The following ADGRB3 variants were observed in gnomAD, a reference collection of about 807,000 sequenced individuals.
ADGRB3 encodes the protein brain-specific angiogenesis inhibitor 3.
In ADGRB3, 37 loss-of-function variants were observed where a neutral mutation model predicts 193.4. The observed-to-expected ratio is 0.19, with a 90% CI of 0.15 to 0.25. The LOEUF is 0.25. Ranked by LOEUF, ADGRB3 falls within the 10% of genes least tolerant of loss-of-function variation. ADGRB3 has a pLI of 1.00. For synonymous variants in ADGRB3, 690 were observed against 644.2 expected (o/e 1.07, Z -1.08); for missense variants, 1,637 against 1,852.9 (o/e 0.88, Z 2.14).
intron 17 of ADGRB3, among the ~76,000 whole-genome samples, chr6:69,078,262 C>T (rs907022875): frequency 2.0e-5 from 3 of 151,940 alleles, no homozygotes; most frequent in Admixed American, 6.6e-5. Flanking sequence ...AAGCAATGCA[C>T]GAGTATTTTT....
intron 3 of ADGRB3, among the ~76,000 whole-genome samples, chr6:68,849,566 C>A (rs1276574220): frequency 6.6e-6 from 1 of 151,840 alleles, no homozygotes; most frequent in Non-Finnish European, 1.5e-5. Context: ...TTGTTTTAGG[C>A]AAAATTGCAT....
intron 3 of ADGRB3, among the ~76,000 whole-genome samples, chr6:68,841,033 A>C (rs186154655): frequency 1.2e-4 from 19 of 152,188 alleles, no homozygotes; most frequent in Non-Finnish European, 2.5e-4. Context: ...TAAAAGGGAT[A>C]ATTCATCCAG....
chr6:68,984,171 T>C (rs971533764), intron 10 of ADGRB3, among the ~76,000 whole-genome samples: 7 of 152,146 alleles, frequency 4.6e-5, no homozygotes, highest in Non-Finnish European at 7.3e-5. Context: ...ATGGTTTGAT[T>C]AGATCTAATT....
intron 17 of ADGRB3, among the ~76,000 whole-genome samples, chr6:69,122,846 A>G (rs573308603): frequency 2.0e-5 from 3 of 152,204 alleles, no homozygotes; most frequent in East Asian, 3.9e-4. Context: ...ACATACATAC[A>G]TACAACTTAT....
At chr6:69,046,665 T>C (rs1771246439) in intron 13 of ADGRB3, among the ~76,000 whole-genome samples, 1 of 152,182 alleles carries the variant, frequency 6.6e-6, no homozygotes, top group Non-Finnish European at 1.5e-5. Context: ...GATAATGGAA[T>C]GACTAATCAC....
chr6:69,330,188 A>T (rs554268946), intron 22 of ADGRB3, among the ~76,000 whole-genome samples: 1 of 152,334 alleles, frequency 6.6e-6, no homozygotes, highest in Non-Finnish European at 1.5e-5. Flanking sequence ...TATAAAATGT[A>T]AATAATACTC....
chr6:69,139,136 A>G (rs1422583116), intron 17 of ADGRB3, among the ~76,000 whole-genome samples: 1 of 152,158 alleles, frequency 6.6e-6, no homozygotes, highest in African/African-American at 2.4e-5. Context: ...ACCTGGTCGC[A>G]CTTGATAGTC....
chr6:68,659,421 G>A (rs555065351), intron 3 of ADGRB3, among the ~76,000 whole-genome samples: 3 of 150,394 alleles, frequency 2.0e-5, no homozygotes, highest in Admixed American at 6.6e-5. Flanking sequence ...TATCTGTAAA[G>A]TACATAAGAT....
At chr6:69,203,898 A>T (rs1300160344) in intron 17 of ADGRB3, among the ~76,000 whole-genome samples, 1 of 152,066 alleles carries the variant, frequency 6.6e-6, no homozygotes, top group Non-Finnish European at 1.5e-5. Flanking sequence ...CTGCTGCTAG[A>T]TTTGTATATA....
At chr6:69,386,200 A>G (rs184047822) in intron 31 of ADGRB3, among the ~76,000 whole-genome samples, 2 of 152,182 alleles carry the variant, frequency 1.3e-5, no homozygotes, top group African/African-American at 2.4e-5. Flanking sequence ...TAGAATATAG[A>G]TTTTCTGACA....
At chr6:68,691,493 C>T (rs1416455779) in intron 3 of ADGRB3, among the ~76,000 whole-genome samples, 1 of 151,976 alleles carries the variant, frequency 6.6e-6, no homozygotes. Flanking sequence ...TTATTACCTA[C>T]TATCTCAGTT....
intron 6 of ADGRB3, among the ~76,000 whole-genome samples, chr6:68,953,604 T>A (rs1449677529): frequency 6.6e-6 from 1 of 152,220 alleles, no homozygotes; most frequent in African/African-American, 2.4e-5. Context: ...AGAATTTTCT[T>A]TTTAGTCTGG....
At chr6:69,030,961 C>CTTTTCTT (rs1770632701) in intron 13 of ADGRB3, among the ~76,000 whole-genome samples, 2 of 97,152 alleles carry the variant, frequency 2.1e-5, no homozygotes, top group African/African-American at 9.0e-5. Flanking sequence ...TTCTTTTTTT[C>CTTTTCTT]TTTTCTTTTC....
At chr6:69,185,601 C>T (rs570655187) in intron 17 of ADGRB3, among the ~76,000 whole-genome samples, 8 of 152,198 alleles carry the variant, frequency 5.3e-5, no homozygotes, top group South Asian at 2.1e-4. Context: ...TAAAGGACTA[C>T]GTTCATTCTT....
intron 17 of ADGRB3, among the ~76,000 whole-genome samples, chr6:69,204,071 A>G (rs746667792): frequency 1.3e-5 from 2 of 152,126 alleles, no homozygotes; most frequent in Non-Finnish European, 2.9e-5. Context: ...GTATTTACCA[A>G]CTGACTGGCT....
rs540491085 is a variant in ADGRB3, at chr6:68,669,575, C to T, written c.757+30143C>T. Among the ~76,000 whole-genome samples the T allele has an allele frequency of 8.9e-4, 132 of 148,314 alleles. 1 individual carries two copies. The highest frequency in any genetic ancestry group is 3.2e-3 in the African/African-American group (128 of 40,260). On this transcript the variant is annotated intron_variant, in intron 3 of 31. Coordinates refer to ENST00000370598, the MANE Select transcript of ADGRB3 (RefSeq NM_001704.3). ...CCACGTTGTTGTAAATGACAGGATC[C>T]CAGTTTTTTATGGATGAATAATACT...
intron 15 of ADGRB3, among the ~76,000 whole-genome samples, chr6:69,051,365 C>T (rs551181379): frequency 3.3e-5 from 5 of 152,212 alleles, no homozygotes; most frequent in Non-Finnish European, 7.4e-5. Flanking sequence ...ATTTTCATTG[C>T]AGAAAGTTTC....
chr6:69,257,312 G>A (rs543861048), intron 20 of ADGRB3, among the ~76,000 whole-genome samples: 30 of 152,208 alleles, frequency 2.0e-4, no homozygotes, highest in African/African-American at 7.0e-4. Flanking sequence ...GATAGAATTC[G>A]GCTGTGAATC....
intron 3 of ADGRB3, among the ~76,000 whole-genome samples, chr6:68,866,321 G>A (rs1483257281): frequency 2.0e-5 from 3 of 152,080 alleles, no homozygotes; most frequent in Admixed American, 1.3e-4. Context: ...TTCCCCCCTT[G>A]CTCCCTTTCT....
Sources: gnomAD v4.1 joint callset for allele counts (sites outside exome capture counted in the v4.1 genomes callset) on GRCh38, gnomAD v4.1.1 for gene constraint, MANE v1.5 for transcripts, NCBI Gene and HGNC (gene_info 2026-07-23, HGNC 2026-07-21) for gene names.